Variants in COL10A1 observed in about 807,000 individuals in gnomAD.
COL10A1 encodes the protein collagen alpha-1(X) chain.
A neutral mutation model predicts 18.2 loss-of-function variants in COL10A1; 10 were observed. The ratio of observed to expected loss-of-function variants is 0.55; its 90% CI spans 0.34 to 0.93. COL10A1 has a LOEUF of 0.93. COL10A1 is among the 40% of genes least tolerant of loss of function. The probability of loss-of-function intolerance (pLI) is 0.02; values close to 1 mark genes in which losing one functional copy is unlikely to be tolerated. For missense variants in COL10A1, 897 were observed against 853.5 expected (o/e 1.05, Z -0.64); for synonymous variants, 330 against 316.6 (o/e 1.04, Z -0.45).
At position 116,125,471 on chromosome 6, in the gene COL10A1, A is replaced by G. The variant is rs1582818069; in HGVS notation, c.22T>C (p.Leu8=). 1 of 1,613,920 alleles carries G rather than the reference A, an allele frequency of 6.2e-7. No individual in the cohort carries two copies. The highest frequency in any genetic ancestry group is 8.5e-7 in the Non-Finnish European group (1 of 1,179,858). The part of the protein sequence containing the change: MLPQIPF[L]LLVSLNLVHG... ...ACCAAGTTCAAGGATACTAGCAGCA[A>G]AAAGGGTATTTGTGGCAGCATATTC... The change falls in exon 2 of 3, where the codon TTG becomes CTG. Residue 8 remains leucine (L), a synonymous_variant. Coordinates refer to ENST00000651968, the MANE Select transcript of COL10A1 (RefSeq NM_000493.4).
the COL10A1 span, among the ~76,000 whole-genome samples, chr6:116,214,761 T>A: frequency 2.6e-5 from 4 of 152,174 alleles, no homozygotes; most frequent in African/African-American, 9.6e-5. Flanking sequence ...AAATGGGTGT[T>A]CATTGTGGCT....
chr6:116,196,510 G>A, the COL10A1 span, among the ~76,000 whole-genome samples: 2 of 151,968 alleles, frequency 1.3e-5, no homozygotes, highest in East Asian at 3.9e-4. Flanking sequence ...TTTGCCATTT[G>A]GTTTTTAATA....
At chr6:116,195,579 C>G in the COL10A1 span, among the ~76,000 whole-genome samples, 2 of 151,968 alleles carry the variant, frequency 1.3e-5, no homozygotes, top group African/African-American at 4.8e-5. Flanking sequence ...TGATTACTTT[C>G]ATATCATTTA....
intron 1 of COL10A1, among the ~76,000 whole-genome samples, chr6:116,141,263 AT>A (rs201726112): frequency 2.3e-3 from 329 of 142,342 alleles, no homozygotes; most frequent in East Asian, 5.3e-3. Flanking sequence ...TTTTTATCAG[AT>A]TTTTTTTTTT....
upstream of COL10A1, among the ~76,000 whole-genome samples, chr6:116,130,115 A>G (rs1779424407): frequency 6.6e-6 from 1 of 152,070 alleles, no homozygotes; most frequent in Admixed American, 6.6e-5. Context: ...TATCATTTGT[A>G]TTTTATTTAT....
At chr6:116,200,838 G>T in the COL10A1 span, among the ~76,000 whole-genome samples, 1 of 151,970 alleles carries the variant, frequency 6.6e-6, no homozygotes, top group African/African-American at 2.4e-5. Context: ...TCCTGTGGCA[G>T]ACCATGTTTA....
intron 1 of COL10A1, among the ~76,000 whole-genome samples, chr6:116,154,961 C>G (rs913141179): frequency 2.0e-5 from 3 of 152,096 alleles, no homozygotes; most frequent in African/African-American, 7.2e-5. Context: ...TAACCATATA[C>G]AACCACATTG....
chr6:116,190,384 G>GT, the COL10A1 span, among the ~76,000 whole-genome samples: 2 of 151,900 alleles, frequency 1.3e-5, no homozygotes, highest in African/African-American at 4.8e-5. Flanking sequence ...AAAATAAGTT[G>GT]TTTTGTTAGT....
chr6:116,198,371 C>T, the COL10A1 span, among the ~76,000 whole-genome samples: 2 of 152,006 alleles, frequency 1.3e-5, no homozygotes, highest in Non-Finnish European at 2.9e-5. Flanking sequence ...TAACTGTGCT[C>T]ATGCCCTGCT....
the COL10A1 span, among the ~76,000 whole-genome samples, chr6:116,182,222 A>AGTGTGTGTGT: frequency 0.029 from 3,611 of 124,614 alleles, 145 homozygotes; most frequent in African/African-American, 0.098. Flanking sequence ...TTCCATGGAG[A>AGTGTGTGTGT]GTGTGTGTGT....
chr6:116,133,647 G>A (rs1318524389), intron 1 of COL10A1, among the ~76,000 whole-genome samples: 1 of 151,750 alleles, frequency 6.6e-6, no homozygotes, highest in Non-Finnish European at 1.5e-5. Context: ...AGTAATGCTG[G>A]GCCCTTGTCT....
chr6:116,202,512 T>C, the COL10A1 span, among the ~76,000 whole-genome samples: 2 of 152,016 alleles, frequency 1.3e-5, no homozygotes, highest in African/African-American at 4.8e-5. Flanking sequence ...TTATTGGCAA[T>C]AGGTTTATTT....
Position 116,121,433 on chromosome 6 carries a change from G to A in COL10A1, c.683C>T (p.Pro228Leu). 1 of 1,614,080 alleles carries A rather than the reference G, an allele frequency of 6.2e-7. No homozygotes were observed. The highest frequency in any genetic ancestry group is 1.1e-5 in the South Asian group (1 of 91,078). ...GVGKRGENGV[P>L]GQPGIKGDRG... The stretch of plus-strand genomic sequence containing the variant: ...ATCACCTTTGATGCCTGGCTGTCCT[G>A]GAACCCCATTTTCACCTCTTTTTCC... Residue 228 changes from proline (P) to leucine (L), a missense_variant, in exon 3 of 3, where the codon CCA (proline) becomes CTA (leucine). Pro to Leu is a moderately conservative substitution (Grantham distance 98, BLOSUM62 -3). Transcript: ENST00000651968.
chr6:116,144,892 C>CA (rs1554195438), intron 1 of COL10A1, among the ~76,000 whole-genome samples: 1 of 152,116 alleles, frequency 6.6e-6, no homozygotes, highest in Non-Finnish European at 1.5e-5. Flanking sequence ...CGTTTTCAAA[C>CA]AGGGGATCTT....
At chr6:116,177,873 G>T in the COL10A1 span, among the ~76,000 whole-genome samples, 1 of 152,172 alleles carries the variant, frequency 6.6e-6, no homozygotes, top group African/African-American at 2.4e-5. Context: ...GGGCAGGGAG[G>T]TTGGAAAGGA....
chr6:116,174,782 A>G, the COL10A1 span, among the ~76,000 whole-genome samples: 3 of 152,174 alleles, frequency 2.0e-5, no homozygotes, highest in Non-Finnish European at 4.4e-5. Flanking sequence ...CTACAATTCT[A>G]CCACTTGCTT....
chr6:116,153,682 A>G (rs1221849047), intron 1 of COL10A1, among the ~76,000 whole-genome samples: 1 of 152,120 alleles, frequency 6.6e-6, no homozygotes, highest in East Asian at 1.9e-4. Context: ...ACAGTCAAAT[A>G]TTGGCAGTTT....
At chr6:116,214,547 G>A in the COL10A1 span, among the ~76,000 whole-genome samples, 1 of 152,046 alleles carries the variant, frequency 6.6e-6, no homozygotes, top group African/African-American at 2.4e-5. Flanking sequence ...TGGACTGTCA[G>A]TTGACCTGAG....
chr6:116,124,311 T>A (rs866872457), intron 2 of COL10A1, among the ~76,000 whole-genome samples: 1 of 152,152 alleles, frequency 6.6e-6, no homozygotes, highest in South Asian at 2.1e-4. Context: ...GGAAAGGGAG[T>A]TTGAAGCCTA....
Sources: gnomAD v4.1 joint callset for allele counts (sites outside exome capture counted in the v4.1 genomes callset) on GRCh38, gnomAD v4.1.1 for gene constraint, MANE v1.5 for transcripts, NCBI Gene and HGNC (gene_info 2026-07-23, HGNC 2026-07-21) for gene names.